The following ZNF846 variants were observed in gnomAD, a reference collection of about 807,000 sequenced individuals.
The protein encoded by ZNF846 is zinc finger protein 846.
ZNF846 carries 15 observed loss-of-function variants against 16.0 expected under a neutral mutation model. The ratio of observed to expected loss-of-function variants is 0.94; its 90% confidence interval spans 0.63 to 1.45. The LOEUF (loss-of-function observed/expected upper bound fraction) is 1.45, where lower values mean the gene tolerates loss of function less well. Among genes scored for constraint, ZNF846 ranks in the 40% most tolerant of loss-of-function variants. ZNF846 has a pLI of 0.00. For missense variants in ZNF846, 714 were observed against 622.3 expected, an observed-to-expected ratio of 1.15 and a Z score of -1.57; for synonymous variants, 229 against 212.0, an observed-to-expected ratio of 1.08 and a Z score of -0.70.
At chr19:9,767,635 T>A (rs2045339086) in intron 1 of ZNF846, among the ~76,000 whole-genome samples, 1 of 151,680 alleles carries the variant, frequency 6.6e-6, no homozygotes, top group Non-Finnish European at 1.5e-5. Context: ...AATAAATAAA[T>A]AAAAATATAT....
intron 5 of ZNF846, among the ~76,000 whole-genome samples, chr19:9,759,135 T>C (rs954023269): frequency 6.6e-6 from 1 of 151,804 alleles, no homozygotes; most frequent in Non-Finnish European, 1.5e-5. Flanking sequence ...GTAGCTAGGA[T>C]TACAGGCATG....
At chr19:9,762,305 T>TAA (rs1320210920) in intron 3 of ZNF846, 137 bp from the exon 4 acceptor site, 1 of 666,852 alleles carries the variant, frequency 1.5e-6, no homozygotes, top group African/African-American at 1.8e-5. Context: ...ACTAATCATA[T>TAA]AACATTTCCA....
chr19:9,755,200 A>G (rs2045121486), downstream of ZNF846, among the ~76,000 whole-genome samples: 1 of 151,462 alleles, frequency 6.6e-6, no homozygotes, highest in Non-Finnish European at 1.5e-5. Flanking sequence ...TGTACAGTCC[A>G]CTGTCCAGTC....
chr19:9,756,351 A>ATATATATATATG (rs1568319986), downstream of ZNF846: 4 of 55,400 alleles, frequency 7.2e-5, no homozygotes, highest in Non-Finnish European at 1.3e-4. Context: ...GTGTGTATAT[A>ATATATATATATG]TATATATATA....
At chr19:9,779,162 C>T (rs893185810) in intron 1 of ZNF846, among the ~76,000 whole-genome samples, 2 of 152,166 alleles carry the variant, frequency 1.3e-5, no homozygotes, top group African/African-American at 2.4e-5. Context: ...GACGATTTAA[C>T]TCTGACATTT....
chr19:9,758,844 T>A, intron 5 of ZNF846, 80 bp from the exon 6 acceptor site: 1 of 1,093,210 alleles, frequency 9.1e-7, no homozygotes, highest in Non-Finnish European at 1.3e-6. Context: ...ACAACATATA[T>A]GCATTGGAAA....
chr19:9,770,083 TATC>T (rs997679667), upstream of ZNF846, among the ~76,000 whole-genome samples: 21 of 152,198 alleles, frequency 1.4e-4, no homozygotes, highest in Non-Finnish European at 2.1e-4. Flanking sequence ...GTGATACAAT[TATC>T]ATAGCATACA....
chr19:9,784,753 C>T (rs2045541343), intron 1 of ZNF846, among the ~76,000 whole-genome samples: 2 of 152,134 alleles, frequency 1.3e-5, no homozygotes. Flanking sequence ...CCACAGTGCA[C>T]TGTGTCCCTG....
At chr19:9,751,194 C>T (rs113694938), downstream of ZNF846, among the ~76,000 whole-genome samples, 8,572 of 152,110 alleles carry the variant, frequency 0.056, 821 homozygotes, top group African/African-American at 0.19. Context: ...CTCTATACAA[C>T]AAATGCTGCT....
At position 9,760,003 on chromosome 19, in the gene ZNF846, C is replaced by A; in HGVS notation, c.230-61G>T. On this transcript the variant is annotated intron_variant, in intron 4 of 5. Coordinates refer to ENST00000397902, the Ensembl canonical transcript of ZNF846. The stretch of plus-strand genomic sequence containing the variant: ...ATTGTGGAATAAAGTCGTTTAAAAG[C>A]CTATGGGGCTGGGCGTGGTGGCTCA... 6.0e-6 allele frequency: 8 copies of A among 1,339,726 alleles called. No homozygotes were observed. The South Asian group carries it at 9.6e-5, about 16-fold the overall frequency. The allele number at this position is 1,339,726 out of a possible 1,614,324, so 83.0% of individuals were successfully genotyped here. A position where few individuals can be genotyped will look rare whatever the true frequency, so the allele number is the denominator to read the frequency against.
chr19:9,774,853 C>A (rs1425736620), intron 1 of ZNF846: 3 of 1,609,788 alleles, frequency 1.9e-6, no homozygotes, highest in Non-Finnish European at 2.5e-6. Context: ...AGCCCGAGCA[C>A]CCGCTTCGGG....
chr19:9,785,730 C>G (rs1282645025), intron 1 of ZNF846, among the ~76,000 whole-genome samples: 16 of 55,334 alleles, frequency 2.9e-4, no homozygotes, highest in African/African-American at 1.3e-3. Context: ...GCCCCCATCT[C>G]CCTCTCACCG....
At chr19:9,776,339 C>CAAAA (rs1491461041) in intron 1 of ZNF846, among the ~76,000 whole-genome samples, 16,603 of 152,220 alleles carry the variant, frequency 0.11, 1,277 homozygotes, top group African/African-American at 0.21. Context: ...CACTCCTAGT[C>CAAAA]CGCCTTCATG....
chr19:9,776,208 G>C (rs115004705), intron 1 of ZNF846, among the ~76,000 whole-genome samples: 1 of 152,084 alleles, frequency 6.6e-6, no homozygotes, highest in African/African-American at 2.4e-5. Context: ...CCTTTTCCCC[G>C]GGGGGGTTTA....
In ZNF846 at chr19:9,763,331, ATC is replaced by A; in HGVS notation, c.91_92del (p.Asp31SerfsTer20). Reference sequence around the variant, plus strand: ...TCTCCAACATCACATCTCTGTAGAGATCTCTCTGGGCTTGATCCAACAAAGTC... The same window carrying A: ...TCTCCAACATCACATCTCTGTAGAGATCTCTGGGCTTGATCCAACAAAGTC... On this transcript the variant is annotated frameshift_variant, in exon 3 of 6. Coordinates refer to ENST00000397902, the Ensembl canonical transcript of ZNF846. LOFTEE classifies it high-confidence loss of function. The A allele has an allele frequency of 6.2e-7, 1 of 1,611,500 alleles. No homozygotes were observed.
At chr19:9,762,104 T>C (rs1249263686) in exon 4 of ZNF846, 1 of 1,614,020 alleles carries the variant, frequency 6.2e-7, no homozygotes, top group Non-Finnish European at 8.5e-7. Context: ...CTGTCACTCC[T>C]GTCCTCAGCT....
chr19:9,760,719 T>C (rs761740860), intron 4 of ZNF846, among the ~76,000 whole-genome samples: 1 of 150,820 alleles, frequency 6.6e-6, no homozygotes, highest in Non-Finnish European at 1.5e-5. Flanking sequence ...AAAAAATATA[T>C]ATATACATAT....
At chr19:9,767,608 C>A (rs1568326439) in intron 1 of ZNF846, among the ~76,000 whole-genome samples, 1 of 152,014 alleles carries the variant, frequency 6.6e-6, no homozygotes, top group African/African-American at 2.4e-5. Context: ...AAACCAAGAC[C>A]CTGTCTTTAA....
At chr19:9,766,736 C>T (rs988403749) in intron 1 of ZNF846, among the ~76,000 whole-genome samples, 8 of 151,098 alleles carry the variant, frequency 5.3e-5, no homozygotes, top group African/African-American at 1.9e-4. Flanking sequence ...CCCATCTCTA[C>T]TAAAAATACA....
Sources: allele counts gnomAD v4.1 joint callset (sites outside exome capture counted in the v4.1 genomes callset), GRCh38; gene constraint gnomAD v4.1.1; transcripts MANE v1.5; gene names NCBI Gene and HGNC (gene_info 2026-07-23, HGNC 2026-07-21).